LEKR1: variants seen among roughly 807,000 people sequenced by gnomAD.
LEKR1 encodes the protein protein LEKR1.
In LEKR1, 59 loss-of-function variants were observed where a neutral mutation model predicts 72.4. The ratio of observed to expected loss-of-function variants is 0.82; its 90% CI spans 0.66 to 1.01. LEKR1 has a LOEUF of 1.01. Ranked by LOEUF, LEKR1 falls within the 50% of genes least tolerant of loss-of-function variation. The probability of loss-of-function intolerance (pLI) is 0.00; values close to 1 mark genes in which losing one functional copy is unlikely to be tolerated. For missense variants in LEKR1, 728 were observed against 759.2 expected, an observed-to-expected ratio of 0.96 and a Z score of 0.48; for synonymous variants, 257 against 263.2, an observed-to-expected ratio of 0.98 and a Z score of 0.23.
chr3:157,003,917 G>GA (rs1732212415), intron 9 of LEKR1, among the ~76,000 whole-genome samples: 1 of 151,876 alleles, frequency 6.6e-6, no homozygotes, highest in Non-Finnish European at 1.5e-5. Context: ...CAGAAAGAAG[G>GA]GAAAGGGAAG....
At chr3:157,043,895 G>A (rs967129285) in intron 12 of LEKR1, among the ~76,000 whole-genome samples, 2 of 152,176 alleles carry the variant, frequency 1.3e-5, no homozygotes, top group African/African-American at 4.8e-5. Context: ...ATATGTAAAT[G>A]ATGAGTATTT....
At chr3:156,893,305 T>C (rs1720843534) in intron 3 of LEKR1, among the ~76,000 whole-genome samples, 1 of 151,956 alleles carries the variant, frequency 6.6e-6, no homozygotes, top group Non-Finnish European at 1.5e-5. Flanking sequence ...ATGTAAGGAG[T>C]TGTGATGTGA....
chr3:156,863,821 G>T (rs1223908500), intron 3 of LEKR1, among the ~76,000 whole-genome samples: 1 of 151,974 alleles, frequency 6.6e-6, no homozygotes, highest in East Asian at 1.9e-4. Context: ...TGTCATTGGA[G>T]GCACCTATTT....
At chr3:157,034,121 T>C (rs1311142792) in intron 12 of LEKR1, among the ~76,000 whole-genome samples, 1 of 152,058 alleles carries the variant, frequency 6.6e-6, no homozygotes, top group Non-Finnish European at 1.5e-5. Context: ...AGAGCTCTGA[T>C]GGAGATGTAC....
intron 2 of LEKR1, among the ~76,000 whole-genome samples, chr3:156,833,887 T>C (rs1309170881): frequency 2.7e-5 from 4 of 150,246 alleles, no homozygotes; most frequent in Non-Finnish European, 5.9e-5. Context: ...GCTACCTGAA[T>C]CTCTCTTTCC....
At chr3:156,981,263 G>A (rs2108000444) in intron 7 of LEKR1, among the ~76,000 whole-genome samples, 1 of 152,252 alleles carries the variant, frequency 6.6e-6, no homozygotes, top group South Asian at 2.1e-4. Context: ...ACTGTGCATG[G>A]AGCCTGCCCA....
At chr3:156,862,033 T>C (rs1162387221) in intron 3 of LEKR1, among the ~76,000 whole-genome samples, 1 of 152,114 alleles carries the variant, frequency 6.6e-6, no homozygotes, top group Non-Finnish European at 1.5e-5. Context: ...GGTTTCCTTG[T>C]TACTAAAACT....
chr3:156,832,061 G>A (rs761505950), intron 2 of LEKR1, among the ~76,000 whole-genome samples: 9 of 152,204 alleles, frequency 5.9e-5, no homozygotes, highest in Admixed American at 2.0e-4. Flanking sequence ...TGCCCTCAGG[G>A]TAAGAGGAGT....
chr3:156,843,133 T>C (rs915585208), intron 2 of LEKR1, among the ~76,000 whole-genome samples: 1 of 152,194 alleles, frequency 6.6e-6, no homozygotes, highest in Non-Finnish European at 1.5e-5. Flanking sequence ...TATAGTACTG[T>C]TCTGGGTTTA....
intron 6 of LEKR1, among the ~76,000 whole-genome samples, chr3:156,970,846 A>T: frequency 6.6e-6 from 1 of 152,122 alleles, no homozygotes; most frequent in Non-Finnish European, 1.5e-5. Context: ...AAGAGGATAC[A>T]AACAAATGGA....
chr3:156,853,687 T>G (rs1715674085), intron 3 of LEKR1, among the ~76,000 whole-genome samples: 1 of 152,076 alleles, frequency 6.6e-6, no homozygotes, highest in South Asian at 2.1e-4. Flanking sequence ...GATTAAATAC[T>G]TTTATTAAAT....
At chr3:156,912,892 T>G (rs1229779021) in intron 3 of LEKR1, among the ~76,000 whole-genome samples, 1 of 152,204 alleles carries the variant, frequency 6.6e-6, no homozygotes, top group Non-Finnish European at 1.5e-5. Context: ...GGTATGAGTT[T>G]ATATCCTGGA....
intron 7 of LEKR1, among the ~76,000 whole-genome samples, chr3:156,990,320 T>C (rs1225317122): frequency 1.3e-5 from 2 of 152,176 alleles, no homozygotes; most frequent in African/African-American, 4.8e-5. Context: ...CAACTGATGA[T>C]GTTAATTTTG....
intron 3 of LEKR1, among the ~76,000 whole-genome samples, chr3:156,877,755 A>G (rs1718781852): frequency 6.6e-6 from 1 of 151,884 alleles, no homozygotes; most frequent in Non-Finnish European, 1.5e-5. Flanking sequence ...TTTTTTAAAA[A>G]CATCTTTTTG....
chr3:156,978,081 T>A (rs748319068), intron 6 of LEKR1, among the ~76,000 whole-genome samples: 9 of 152,096 alleles, frequency 5.9e-5, no homozygotes, highest in Admixed American at 2.0e-4. Context: ...TAGAGATAGA[T>A]AAAGTTAATG....
rs144517200 is a variant in LEKR1, at chr3:157,005,668, A to G, written c.1110-5745A>G. ...GATTAGTTTAACATAAAAATCAATG[A>G]CATTCAACAGATAAAAGAGATAAAT... is the stretch of plus-strand genomic sequence containing the variant. On this transcript the variant is annotated intron_variant, in intron 9 of 12. Coordinates refer to ENST00000356539, the MANE Select transcript of LEKR1 (RefSeq NM_001004316.3). 2.5e-3 allele frequency among the ~76,000 whole-genome samples: 387 copies of G among 152,306 alleles called. 4 individuals are homozygous for G. The highest frequency in any genetic ancestry group is 8.8e-3 in the African/African-American group (365 of 41,576).
intron 7 of LEKR1, among the ~76,000 whole-genome samples, chr3:156,981,201 T>C (rs562869245): frequency 2.8e-4 from 43 of 152,274 alleles, no homozygotes; most frequent in African/African-American, 1.0e-3. Flanking sequence ...AATGACAAAA[T>C]TGCGTAATGA....
intron 3 of LEKR1, among the ~76,000 whole-genome samples, chr3:156,908,225 T>G (rs1333036570): frequency 1.3e-5 from 2 of 152,186 alleles, no homozygotes; most frequent in East Asian, 3.8e-4. Context: ...TCGTAATTAA[T>G]AAATATCTTG....
In LEKR1 at chr3:156,899,627, T is replaced by C. The variant is rs922307298; in HGVS notation, c.264-20948T>C. On this transcript the variant is annotated intron_variant, in intron 3 of 12. Coordinates refer to ENST00000356539, the MANE Select transcript of LEKR1 (RefSeq NM_001004316.3). Reference sequence around the variant, plus strand: ...GTATATATACACACATATATACACATATATACACGCATATATACACATATA... The same window carrying C: ...GTATATATACACACATATATACACACATATACACGCATATATACACATATA... Among the ~76,000 whole-genome samples, 4 of 104,960 alleles carry C rather than the reference T, an allele frequency of 3.8e-5. No individual in the cohort carries two copies. In the South Asian group the frequency reaches 9.3e-4, roughly 24 times the overall value. The allele number at this position is 104,960 out of a possible 152,430, so 68.9% of individuals were successfully genotyped here.
Sources: gnomAD v4.1 joint callset for allele counts (sites outside exome capture counted in the v4.1 genomes callset) on GRCh38, gnomAD v4.1.1 for gene constraint, MANE v1.5 for transcripts, NCBI Gene and HGNC (gene_info 2026-07-23, HGNC 2026-07-21) for gene names.